Variants in HEPH observed in about 807,000 individuals in gnomAD.
HEPH encodes the protein hephaestin.
A neutral mutation model predicts 80.8 loss-of-function variants in HEPH; 69 were observed. The observed-to-expected ratio is 0.85, with a 90% CI of 0.70 to 1.04. The LOEUF is 1.04. Ranked by LOEUF, HEPH falls within the 50% of genes least tolerant of loss-of-function variation. HEPH has a pLI of 0.00. For missense variants in HEPH, 1,115 were observed against 891.3 expected (o/e 1.25, Z -3.20); for synonymous variants, 431 against 322.8 (o/e 1.34, Z -3.60).
At position 66,258,800 on chromosome X, in the gene HEPH, TTTTTCTTTTC is replaced by T. The variant is rs200256028; in HGVS notation, c.2897-20_2897-11del. The stretch of plus-strand genomic sequence containing the variant: ...AGTCCAAAGGAGAGATGTAAGAAGC[TTTTTCTTTTC>T]TTTTCTTTTCTTTTCTTTTTTTTTG... On this transcript the variant is annotated intron_variant, in intron 17 of 20. Transcript: ENST00000343002. 1,705 of 1,048,522 alleles carry T rather than the reference TTTTTCTTTTC, an allele frequency of 1.6e-3. 1 individual carries two copies. Among genetic ancestry groups the T allele is most frequent in the African/African-American group, 4.8e-3 (251 of 51,793 alleles). 86.4% of individuals were successfully genotyped at this position (1,048,522 alleles called of 1,213,427 possible). A position where few individuals can be genotyped will look rare whatever the true frequency, so the allele number is the denominator to read the frequency against.
intron 15 of HEPH, among the ~76,000 whole-genome samples, chrX:66,244,791 T>C (rs1370925366): frequency 9.0e-6 from 1 of 111,449 alleles, no homozygotes; most frequent in East Asian, 2.8e-4. Context: ...CTGATGTTCC[T>C]TCAGTCTTTG....
At chrX:66,205,709 C>T (rs1488991194) in intron 13 of HEPH, among the ~76,000 whole-genome samples, 1 of 109,983 alleles carries the variant, frequency 9.1e-6, no homozygotes. Flanking sequence ...AATTCTCCTG[C>T]CTCAGCCTCC....
intron 15 of HEPH, among the ~76,000 whole-genome samples, chrX:66,246,985 T>C (rs563964380): frequency 1.8e-5 from 2 of 112,425 alleles, no homozygotes; most frequent in African/African-American, 6.4e-5. Flanking sequence ...TTCAGCACTT[T>C]AAATATGTCA....
intron 15 of HEPH, among the ~76,000 whole-genome samples, chrX:66,221,845 C>T (rs1357111276): frequency 8.9e-6 from 1 of 112,682 alleles, no homozygotes; most frequent in African/African-American, 3.2e-5. Context: ...TATTTGATTT[C>T]AAGCTTTTAA....
intron 18 of HEPH, among the ~76,000 whole-genome samples, chrX:66,259,800 C>T (rs1388902504): frequency 9.2e-6 from 1 of 108,666 alleles, no homozygotes; most frequent in Non-Finnish European, 1.9e-5. Flanking sequence ...GCTACGGCTT[C>T]TGGGTTCACA....
chrX:66,217,975 T>C (rs1456391894), intron 15 of HEPH, among the ~76,000 whole-genome samples: 2 of 111,685 alleles, frequency 1.8e-5, no homozygotes, highest in African/African-American at 6.5e-5. Context: ...AAAGGACTAA[T>C]GCAACAGGAA....
intron 4 of HEPH, among the ~76,000 whole-genome samples, chrX:66,180,305 G>T (rs2087047232): frequency 9.0e-6 from 1 of 111,215 alleles, no homozygotes; most frequent in Admixed American, 9.6e-5. Context: ...TGGCTTGGTA[G>T]TGGCAAATTC....
At chrX:66,221,509 G>T (rs759491130) in intron 15 of HEPH, among the ~76,000 whole-genome samples, 1 of 112,706 alleles carries the variant, frequency 8.9e-6, no homozygotes, top group South Asian at 3.7e-4. Context: ...TCTGCTTCTT[G>T]TGCTAACAGG....
Position 66,164,429 on chromosome X carries a change from T to C in HEPH, c.-55T>C, listed in dbSNP as rs940117342. The C allele has an allele frequency of 1.3e-6, 1 of 752,018 alleles. No homozygotes were observed. The highest frequency in any genetic ancestry group is 1.6e-6 in the Non-Finnish European group (1 of 638,532). The allele number at this position is 752,018 out of a possible 1,213,427, so 62.0% of individuals were successfully genotyped here. A position where few individuals can be genotyped will look rare whatever the true frequency, so the allele number is the denominator to read the frequency against. On this transcript the variant is annotated 5_prime_UTR_variant, in exon 1 of 21. The change abolishes an upstream ATG in the 5' untranslated region. Coordinates refer to ENST00000343002, the MANE Select transcript of HEPH (RefSeq NM_001367233.3). ...GCTGGGGTCTGCAGTGCAGCATTAA[T>C]GGGCCGCTGACATGAATATGGAGTA... is the stretch of plus-strand genomic sequence containing the variant.
intron 4 of HEPH, among the ~76,000 whole-genome samples, chrX:66,187,353 G>T (rs1171305901): frequency 1.8e-5 from 2 of 110,835 alleles, no homozygotes; most frequent in African/African-American, 6.6e-5. Context: ...TACCTGAGTT[G>T]GGTTTCTGGT....
intron 15 of HEPH, among the ~76,000 whole-genome samples, chrX:66,211,158 T>C (rs1256034843): frequency 1.8e-5 from 2 of 111,351 alleles, no homozygotes; most frequent in African/African-American, 6.5e-5. Flanking sequence ...AAAGTGACAA[T>C]GGCATCAGCT....
chrX:66,252,255 C>A (rs1405548482), intron 15 of HEPH, among the ~76,000 whole-genome samples: 3 of 111,513 alleles, frequency 2.7e-5, no homozygotes, highest in Admixed American at 9.6e-5. Context: ...GGGGGAAAAT[C>A]AAATATTTAT....
Position 66,197,792 on chromosome X carries a change from G to A in HEPH, c.1611G>A (p.Trp537Ter). ...CTCAGGATCCTGCTTGTCTCACTTGGATGTACTTCTCTGCTGCAGATCCCA... is the reference window on the plus strand; with the variant it reads ...CTCAGGATCCTGCTTGTCTCACTTGAATGTACTTCTCTGCTGCAGATCCCA... ...PTAQDPACLTWMYFSAADPIR... is the reference protein window; with the variant it reads ...PTAQDPACLT The change falls in exon 10 of 21, where the codon TGG (tryptophan) becomes TGA (stop). Residue 537 changes from tryptophan (W) to a stop codon, truncating the protein, a stop_gained. Transcript: ENST00000343002. LOFTEE classifies it high-confidence loss of function. The A allele has an allele frequency of 8.3e-7, 1 of 1,211,496 alleles. No individual in the cohort carries two copies. Among genetic ancestry groups the A allele is most frequent in the Non-Finnish European group, 1.1e-6 (1 of 895,286 alleles).
At chrX:66,242,436 T>A (rs942577086) in intron 15 of HEPH, among the ~76,000 whole-genome samples, 2 of 111,448 alleles carry the variant, frequency 1.8e-5, no homozygotes, top group Non-Finnish European at 3.8e-5. Context: ...CTAGGACATA[T>A]CATTATGCAC....
intron 15 of HEPH, among the ~76,000 whole-genome samples, chrX:66,223,402 C>T (rs538968848): frequency 4.8e-4 from 53 of 111,356 alleles, no homozygotes; most frequent in Middle Eastern, 4.7e-3. Flanking sequence ...AATAATGCTT[C>T]TTGTATGATT....
At chrX:66,240,998 C>T (rs1416467929) in intron 15 of HEPH, among the ~76,000 whole-genome samples, 3 of 111,692 alleles carry the variant, frequency 2.7e-5, no homozygotes, top group South Asian at 3.7e-4. Context: ...TTGCAATAAG[C>T]CTGGCCAACT....
At chrX:66,162,778 T>A, upstream of HEPH, 1 of 1,155,184 alleles carries the variant, frequency 8.7e-7, no homozygotes, top group South Asian at 1.9e-5. Context: ...TTCTCTTCCC[T>A]GGACCCTGCT....
chrX:66,252,783 G>T (rs2091048434), intron 15 of HEPH, among the ~76,000 whole-genome samples: 1 of 112,014 alleles, frequency 8.9e-6, no homozygotes, highest in African/African-American at 3.2e-5. Flanking sequence ...TAGAATTGAA[G>T]ATCCAGAAAT....
At chrX:66,200,445 T>G (rs2088372710) in intron 11 of HEPH, 95 bp from the exon 12 acceptor site, 4 of 690,452 alleles carry the variant, frequency 5.8e-6, no homozygotes, top group Non-Finnish European at 6.5e-6. Context: ...TCAAGTTGTG[T>G]GAAACCATAG....
Sources: gnomAD v4.1 joint callset for allele counts (sites outside exome capture counted in the v4.1 genomes callset) on GRCh38, gnomAD v4.1.1 for gene constraint, MANE v1.5 for transcripts, NCBI Gene and HGNC (gene_info 2026-07-23, HGNC 2026-07-21) for gene names.